SLC38A8: variants seen among roughly 807,000 people sequenced by gnomAD.
The protein encoded by SLC38A8 is solute carrier family 38 member 8.
Under a neutral mutation model 46.0 loss-of-function variants are expected in SLC38A8, and 65 were observed. That is an observed-to-expected ratio of 1.41 (90% CI 1.16 to 1.74). SLC38A8 has a LOEUF of 1.74. Among genes scored for constraint, SLC38A8 ranks in the 40% most tolerant of loss-of-function variants. The pLI is 0.00. For missense variants in SLC38A8, 998 were observed against 567.9 expected (o/e 1.76, Z -7.70); for synonymous variants, 447 against 243.7 (o/e 1.83, Z -7.77).
rs756835220 is a variant in SLC38A8, at chr16:84,009,751, G to T, written c.*33C>A. 3.8e-6 allele frequency: 6 copies of T among 1,596,502 alleles called. No individual in the cohort carries two copies. Among genetic ancestry groups the T allele is most frequent in the East Asian group, 2.2e-5 (1 of 44,704 alleles). On this transcript the variant is annotated 3_prime_UTR_variant, in exon 11 of 11. Coordinates refer to ENST00000299709, the MANE Select transcript of SLC38A8 (RefSeq NM_001080442.3). Reference sequence around the variant, plus strand: ...AGCAGCCACGTAGGGTCAGCCCCCGGAGGGCCCCTTCCTGCCCGGCACTAG... The same window carrying T: ...AGCAGCCACGTAGGGTCAGCCCCCGTAGGGCCCCTTCCTGCCCGGCACTAG...
intron 2 of SLC38A8, among the ~76,000 whole-genome samples, chr16:84,040,715 G>A (rs1026748871): frequency 1.3e-4 from 20 of 152,156 alleles, no homozygotes; most frequent in African/African-American, 9.7e-5. Flanking sequence ...GGGGCTCAGC[G>A]CAAAGGTCAC....
At chr16:84,026,807 G>T (rs541628349) in intron 6 of SLC38A8, among the ~76,000 whole-genome samples, 1 of 152,182 alleles carries the variant, frequency 6.6e-6, no homozygotes, top group Non-Finnish European at 1.5e-5. Context: ...GCCACAATAG[G>T]ATTCCATTCC....
chr16:84,013,116 C>G (rs949986979), intron 9 of SLC38A8, 64 bp from the exon 10 acceptor site: 2 of 1,597,860 alleles, frequency 1.3e-6, no homozygotes, highest in East Asian at 4.5e-5. Flanking sequence ...AAAAAGGTCC[C>G]GGGAGAGGTC....
At chr16:84,032,836 CTGTG>C (rs1555555661) in intron 4 of SLC38A8, among the ~76,000 whole-genome samples, 1 of 152,042 alleles carries the variant, frequency 6.6e-6, no homozygotes, top group African/African-American at 2.4e-5. Context: ...AAAACAACCT[CTGTG>C]TGTGTGCACA....
intron 6 of SLC38A8, among the ~76,000 whole-genome samples, chr16:84,023,618 G>A (rs1400478563): frequency 6.6e-6 from 1 of 152,188 alleles, no homozygotes; most frequent in African/African-American, 2.4e-5. Flanking sequence ...TAGGTGCCGG[G>A]CACGCTGGCT....
intron 3 of SLC38A8, among the ~76,000 whole-genome samples, chr16:84,034,699 C>T (rs1275508220): frequency 1.3e-5 from 2 of 152,182 alleles, no homozygotes; most frequent in Non-Finnish European, 2.9e-5. Flanking sequence ...GTTCCAAAAG[C>T]AGGTGGTCAC....
chr16:84,025,906 G>A (rs918074135), intron 6 of SLC38A8, among the ~76,000 whole-genome samples: 2 of 152,198 alleles, frequency 1.3e-5, no homozygotes, highest in Non-Finnish European at 2.9e-5. Context: ...CTGCCAGCAG[G>A]GGGGACGCAA....
chr16:84,041,608 C>T (rs976186477), intron 2 of SLC38A8, among the ~76,000 whole-genome samples: 8 of 152,302 alleles, frequency 5.3e-5, no homozygotes, highest in South Asian at 4.1e-4. Flanking sequence ...CCACCGTGCC[C>T]GGCCCAGCTT....
At chr16:84,018,874 G>C (rs1287263193) in intron 7 of SLC38A8, among the ~76,000 whole-genome samples, 1 of 152,104 alleles carries the variant, frequency 6.6e-6, no homozygotes, top group Non-Finnish European at 1.5e-5. Context: ...TATATGGGGT[G>C]GGTATAAAAC....
chr16:84,027,813 G>A (rs2085183052), intron 6 of SLC38A8, among the ~76,000 whole-genome samples: 1 of 152,222 alleles, frequency 6.6e-6, no homozygotes, highest in South Asian at 2.1e-4. Flanking sequence ...CCCCTTGCAA[G>A]CATCGGGGAG....
chr16:84,034,098 A>G (rs916346198), intron 3 of SLC38A8, among the ~76,000 whole-genome samples: 87 of 152,296 alleles, frequency 5.7e-4, no homozygotes, highest in Middle Eastern at 6.8e-3. Flanking sequence ...CACAACACCT[A>G]CTGCCTGATG....
At chr16:84,024,338 T>G (rs1200803507) in intron 6 of SLC38A8, among the ~76,000 whole-genome samples, 1 of 152,028 alleles carries the variant, frequency 6.6e-6, no homozygotes, top group Non-Finnish European at 1.5e-5. Context: ...ACATGCCATA[T>G]TGGGGTAAGC....
In SLC38A8 at chr16:84,029,489, A is replaced by G. The variant is rs773825888; in HGVS notation, c.690+5T>C. On this transcript the variant is annotated splice_donor_5th_base_variant and intron_variant, in intron 6 of 10. Transcript: ENST00000299709. ...CACAGGCTGCAACACAGATGCTAAA[A>G]TTACCTGAAACCCGAAGCAGATGGT... 17 of 1,613,896 alleles carry G rather than the reference A, an allele frequency of 1.1e-5. No homozygotes were observed. Among genetic ancestry groups the G allele is most frequent in the Non-Finnish European group, 1.4e-5 (16 of 1,179,956 alleles).
At chr16:84,013,788 A>C (rs1460659800) in intron 9 of SLC38A8, among the ~76,000 whole-genome samples, 3 of 151,576 alleles carry the variant, frequency 2.0e-5, no homozygotes, top group Admixed American at 1.3e-4. Context: ...GCTTGGCCTA[A>C]AGCTCCCAAA....
In SLC38A8 at chr16:84,009,852, C is replaced by A. The variant is rs539488750; in HGVS notation, c.1240G>T (p.Val414Phe). The A allele has an allele frequency of 7.4e-6, 12 of 1,614,086 alleles. No individual in the cohort carries two copies. In the South Asian group the frequency reaches 1.3e-4, roughly 18 times the overall value. Reference sequence around the variant, plus strand: ...ATGAAGGTGCCGACCAGCACAGAGACCACTCCCCAGACCTCCAGGCAGCAC... The same window carrying A: ...ATGAAGGTGCCGACCAGCACAGAGAACACTCCCCAGACCTCCAGGCAGCAC... Reference protein sequence around the residue: ...VKCCLEVWGVVSVLVGTFIFG... With the variant: ...VKCCLEVWGVFSVLVGTFIFG... Residue 414 changes from valine to phenylalanine, a missense_variant, in exon 11 of 11, where the codon GTC becomes TTC. By Grantham distance (50) the Val-to-Phe change is conservative. Coordinates refer to ENST00000299709, the MANE Select transcript of SLC38A8 (RefSeq NM_001080442.3).
chr16:84,032,478 C>G (rs1454916767), intron 4 of SLC38A8, among the ~76,000 whole-genome samples: 2 of 152,210 alleles, frequency 1.3e-5, no homozygotes, highest in Non-Finnish European at 2.9e-5. Context: ...TGACGCCCAG[C>G]CCAAATGTGT....
intron 7 of SLC38A8, among the ~76,000 whole-genome samples, chr16:84,021,958 G>A (rs2085101162): frequency 6.6e-6 from 1 of 152,112 alleles, no homozygotes; most frequent in African/African-American, 2.4e-5. Context: ...TTCTTATAAA[G>A]CCACCAGCCC....
chr16:84,034,848 G>A (rs1297829935), intron 3 of SLC38A8, among the ~76,000 whole-genome samples: 1 of 151,808 alleles, frequency 6.6e-6, no homozygotes, highest in African/African-American at 2.4e-5. Flanking sequence ...ACCTCCCATA[G>A]CCAGGATCCT....
At chr16:84,034,149 C>T (rs781652195) in intron 3 of SLC38A8, among the ~76,000 whole-genome samples, 1 of 152,218 alleles carries the variant, frequency 6.6e-6, no homozygotes, top group Non-Finnish European at 1.5e-5. Flanking sequence ...AGTCTCTCCA[C>T]ATGGGCCACC....
Sources: allele counts gnomAD v4.1 joint callset (sites outside exome capture counted in the v4.1 genomes callset), GRCh38; gene constraint gnomAD v4.1.1; transcripts MANE v1.5; gene names NCBI Gene and HGNC (gene_info 2026-07-23, HGNC 2026-07-21).